Variants in CSMD1 observed in about 807,000 individuals in gnomAD.
CSMD1 encodes the protein CUB and Sushi multiple domains 1.
Under a neutral mutation model 417.5 loss-of-function variants are expected in CSMD1, and 213 were observed. The ratio of observed to expected loss-of-function variants is 0.51; its 90% CI spans 0.46 to 0.57. The LOEUF (loss-of-function observed/expected upper bound fraction) is 0.57. Ranked by LOEUF, CSMD1 falls within the 20% of genes least tolerant of loss-of-function variation. The pLI, the probability that CSMD1 is intolerant of heterozygous loss-of-function variation, is 0.00. For synonymous variants in CSMD1, 2,862 were observed against 1,736.8 expected (o/e 1.65, Z -16.11); for missense variants, 6,923 against 4,529.7 (o/e 1.53, Z -15.17).
chr8:3,812,120 G>C (rs1455073082), intron 5 of CSMD1, among the ~76,000 whole-genome samples: 1 of 152,088 alleles, frequency 6.6e-6, no homozygotes, highest in Non-Finnish European at 1.5e-5. Context: ...CCTTAAACGG[G>C]TGTCCATATT....
chr8:3,149,363 A>C (rs1819050894), intron 40 of CSMD1, among the ~76,000 whole-genome samples: 1 of 152,258 alleles, frequency 6.6e-6, no homozygotes, highest in Non-Finnish European at 1.5e-5. Flanking sequence ...CATTTGGAAG[A>C]ATAATACAAA....
chr8:4,701,952 T>G lies in CSMD1; in HGVS notation c.86-64394A>C, dbSNP rs189500914. Among the ~76,000 whole-genome samples the G allele has an allele frequency of 2.6e-5, 4 of 152,284 alleles. No homozygotes were observed. In the East Asian group the frequency reaches 7.7e-4, roughly 29 times the overall value. On this transcript the variant is annotated intron_variant, in intron 1 of 69. Transcript: ENST00000635120. ...CATAAAAAGGAATGAGATCATGTCC[T>G]TTGCAGGGGCATGGATGGAGCTGGA...
intron 10 of CSMD1, among the ~76,000 whole-genome samples, chr8:3,548,003 A>G (rs1358984458): frequency 6.6e-6 from 1 of 152,228 alleles, no homozygotes; most frequent in African/African-American, 2.4e-5. Flanking sequence ...AACTAAAAGA[A>G]AGGAAATGAG....
At chr8:4,227,695 C>A (rs928937161) in intron 3 of CSMD1, among the ~76,000 whole-genome samples, 7 of 152,096 alleles carry the variant, frequency 4.6e-5, no homozygotes, top group South Asian at 4.2e-4. Context: ...ACATTAAACC[C>A]CACACCTGGA....
chr8:4,910,258 TATCTC>T (rs755898329), intron 1 of CSMD1, among the ~76,000 whole-genome samples: 7 of 152,000 alleles, frequency 4.6e-5, no homozygotes, highest in African/African-American at 7.3e-5. Context: ...TCCATTGTAT[TATCTC>T]ATCACAGTGA....
At chr8:3,295,169 G>A (rs187031409) in intron 25 of CSMD1, among the ~76,000 whole-genome samples, 40 of 152,082 alleles carry the variant, frequency 2.6e-4, no homozygotes, top group African/African-American at 9.2e-4. Flanking sequence ...TTGTTGCCCA[G>A]GTTGGAGTGC....
intron 5 of CSMD1, among the ~76,000 whole-genome samples, chr8:3,938,158 T>C (rs1270741713): frequency 6.6e-6 from 1 of 152,152 alleles, no homozygotes. Context: ...TTTCTGGTAA[T>C]TGTGTCAATA....
chr8:4,431,314 CG>C (rs1797861226), intron 2 of CSMD1, among the ~76,000 whole-genome samples: 1 of 152,012 alleles, frequency 6.6e-6, no homozygotes, highest in Non-Finnish European at 1.5e-5. Flanking sequence ...ATTTTTACTT[CG>C]TGATTTTCTT....
intron 1 of CSMD1, among the ~76,000 whole-genome samples, chr8:4,678,429 T>C (rs1222862111): frequency 1.3e-5 from 2 of 152,028 alleles, no homozygotes; most frequent in Non-Finnish European, 2.9e-5. Context: ...AAAAAAAGAA[T>C]TTGTTAACAA....
intron 3 of CSMD1, among the ~76,000 whole-genome samples, chr8:4,123,107 T>C (rs1485903341): frequency 2.0e-5 from 3 of 152,172 alleles, no homozygotes; most frequent in Admixed American, 6.5e-5. Context: ...AACAGAAAAA[T>C]GATCCATCAG....
Position 4,290,767 on chromosome 8 carries a change from C to T in CSMD1, c.415+129186G>A, listed in dbSNP as rs1246781618. Among the ~76,000 whole-genome samples, 3 of 152,174 alleles carry T rather than the reference C, an allele frequency of 2.0e-5. No homozygotes were observed. The East Asian group carries it at 5.8e-4, about 29-fold the overall frequency. On this transcript the variant is annotated intron_variant, in intron 3 of 69. Coordinates refer to ENST00000635120, the MANE Select transcript of CSMD1 (RefSeq NM_033225.6). ...TGTAGTTTCATTTAGGATTTCTATT[C>T]TGTAAGTCTGATTTTTTGGTAAGCT...
At chr8:3,697,384 C>T (rs920613902) in intron 7 of CSMD1, among the ~76,000 whole-genome samples, 1 of 152,156 alleles carries the variant, frequency 6.6e-6, no homozygotes, top group Non-Finnish European at 1.5e-5. Context: ...TCCCTTTGAT[C>T]ATCTGAGTTC....
intron 10 of CSMD1, among the ~76,000 whole-genome samples, chr8:3,515,915 G>A (rs766672543): frequency 6.6e-6 from 1 of 152,184 alleles, no homozygotes; most frequent in African/African-American, 2.4e-5. Context: ...TACAGCAGAA[G>A]GCTAAAATAA....
chr8:3,858,010 T>C (rs1314582184), intron 5 of CSMD1, among the ~76,000 whole-genome samples: 1 of 152,230 alleles, frequency 6.6e-6, no homozygotes, highest in East Asian at 1.9e-4. Flanking sequence ...ACAAGATTGC[T>C]CTGCACATGT....
intron 41 of CSMD1, among the ~76,000 whole-genome samples, chr8:3,121,038 G>T (rs1817173246): frequency 6.6e-6 from 1 of 151,826 alleles, no homozygotes; most frequent in African/African-American, 2.4e-5. Context: ...AAAGGTGAAT[G>T]TTTAAAGATG....
intron 6 of CSMD1, among the ~76,000 whole-genome samples, chr8:3,736,011 T>TA (rs1005064756): frequency 6.6e-5 from 10 of 151,550 alleles, no homozygotes; most frequent in Admixed American, 4.6e-4. Flanking sequence ...TGCGGTGGAT[T>TA]AAAAAAAATA....
At chr8:3,091,839 A>G (rs1190494331) in intron 47 of CSMD1, among the ~76,000 whole-genome samples, 177 bp from the exon 48 acceptor site, 1 of 152,230 alleles carries the variant, frequency 6.6e-6, no homozygotes, top group African/African-American at 2.4e-5. Flanking sequence ...TCTGATAAAA[A>G]TAAGACAATA....
At chr8:3,733,232 CATAT>C (rs945430624) in intron 6 of CSMD1, among the ~76,000 whole-genome samples, 1 of 147,016 alleles carries the variant, frequency 6.8e-6, no homozygotes, top group African/African-American at 2.5e-5. Flanking sequence ...CATACACATA[CATAT>C]ATTACACATA....
intron 7 of CSMD1, among the ~76,000 whole-genome samples, chr8:3,686,505 G>C (rs1228467066): frequency 6.6e-6 from 1 of 152,146 alleles, no homozygotes; most frequent in East Asian, 1.9e-4. Flanking sequence ...AAAAAAGCCA[G>C]TTACAAGATC....
Sources: gnomAD v4.1 joint callset for allele counts (sites outside exome capture counted in the v4.1 genomes callset) on GRCh38, gnomAD v4.1.1 for gene constraint, MANE v1.5 for transcripts, NCBI Gene and HGNC (gene_info 2026-07-23, HGNC 2026-07-21) for gene names.